The following MPDZ variants were observed in gnomAD, a reference collection of about 807,000 sequenced individuals.
MPDZ encodes multiple PDZ domain crumbs cell polarity complex component.
A neutral mutation model predicts 239.1 loss-of-function variants in MPDZ; 234 were observed. That is an observed-to-expected ratio of 0.98 (90% CI 0.88 to 1.09). The LOEUF is 1.09. MPDZ is among the 50% of genes least tolerant of loss of function. MPDZ has a pLI of 0.00. For synonymous variants in MPDZ, 1,048 were observed against 881.3 expected (o/e 1.19, Z -3.35); for missense variants, 3,175 against 2,510.0 (o/e 1.26, Z -5.66).
intron 22 of MPDZ, among the ~76,000 whole-genome samples, chr9:13,168,045 T>C (rs550639491): frequency 1.3e-5 from 2 of 152,212 alleles, no homozygotes; most frequent in African/African-American, 2.4e-5. Context: ...TCCAAACATC[T>C]TTCCAAGATC....
At chr9:13,212,996 A>C (rs976222848) in intron 10 of MPDZ, among the ~76,000 whole-genome samples, 2 of 152,018 alleles carry the variant, frequency 1.3e-5, no homozygotes, top group Non-Finnish European at 2.9e-5. Flanking sequence ...CAATCTATGA[A>C]CACAGTCACA....
intron 1 of MPDZ, among the ~76,000 whole-genome samples, chr9:13,268,872 A>T (rs931921503): frequency 6.6e-6 from 1 of 152,204 alleles, no homozygotes; most frequent in Non-Finnish European, 1.5e-5. Flanking sequence ...CCATGCAGGG[A>T]CATTGGGGAG....
chr9:13,213,098 T>C (rs1035133280), intron 10 of MPDZ, among the ~76,000 whole-genome samples: 9 of 152,112 alleles, frequency 5.9e-5, no homozygotes, highest in Admixed American at 2.6e-4. Flanking sequence ...TTTTAGCATA[T>C]TGAATATCAA....
chr9:13,219,805 A>G (rs766178790), intron 7 of MPDZ, 37 bp from the exon 8 acceptor site: 1 of 1,572,716 alleles, frequency 6.4e-7, no homozygotes, highest in Admixed American at 1.7e-5. Context: ...GACTATTATT[A>G]TTTTAACTGC....
At chr9:13,113,138 A>G (rs1942779436) in intron 41 of MPDZ, 84 bp from the exon 42 acceptor site, 2 of 1,240,536 alleles carry the variant, frequency 1.6e-6, no homozygotes, top group Non-Finnish European at 2.2e-6. Flanking sequence ...GCTGGATGGG[A>G]CTAAATGATA....
At chr9:13,260,407 C>G (rs991823381) in intron 1 of MPDZ, among the ~76,000 whole-genome samples, 1 of 152,090 alleles carries the variant, frequency 6.6e-6, no homozygotes, top group Non-Finnish European at 1.5e-5. Flanking sequence ...CCTTTCCGGG[C>G]TTTGGTTACT....
In MPDZ at chr9:13,176,257, G is replaced by A. The variant is rs1224964579; in HGVS notation, c.2810C>T (p.Ala937Val). ...SGFTINDYTPANAIEQQYECE... is the reference protein window; with the variant it reads ...SGFTINDYTPVNAIEQQYECE... Reference sequence around the variant, plus strand: ...TTCATATTGTTGTTCAATAGCATTTGCAGGTGTGTAGTCATTTATAGTAAA... The same window carrying A: ...TTCATATTGTTGTTCAATAGCATTTACAGGTGTGTAGTCATTTATAGTAAA... The change falls in exon 20 of 47, where the codon GCA (alanine) becomes GTA (valine). Residue 937 changes from alanine to valine, a missense_variant. Coordinates refer to ENST00000319217, the MANE Select transcript of MPDZ (RefSeq NM_001378778.1). 5.6e-6 allele frequency: 9 copies of A among 1,608,848 alleles called. No individual in the cohort carries two copies. The East Asian group carries it at 1.8e-4, about 32-fold the overall frequency.
chr9:13,226,391 A>G (rs1253192949), intron 3 of MPDZ, among the ~76,000 whole-genome samples: 1 of 152,120 alleles, frequency 6.6e-6, no homozygotes, highest in Non-Finnish European at 1.5e-5. Flanking sequence ...ACTACTTATC[A>G]GAAAGCTTAC....
chr9:13,238,269 G>A (rs1194234202), intron 3 of MPDZ, among the ~76,000 whole-genome samples: 1 of 152,164 alleles, frequency 6.6e-6, no homozygotes, highest in Non-Finnish European at 1.5e-5. Flanking sequence ...TGCCAGCCAT[G>A]TGTACAGTAA....
Position 13,116,407 on chromosome 9 carries a change from G to A in MPDZ, c.5380-1073C>T, listed in dbSNP as rs904557219. On this transcript the variant is annotated intron_variant, in intron 39 of 46. Transcript: ENST00000319217. ...CAATGCTTATGACAGTGTCTAGAAT[G>A]GAGTAAGATTAATATAAATATTGGG... 7.2e-5 allele frequency among the ~76,000 whole-genome samples: 11 copies of A among 152,120 alleles called. 1 individual carries two copies. The highest frequency in any genetic ancestry group is 2.0e-4 in the Admixed American group (3 of 15,270).
intron 2 of MPDZ, among the ~76,000 whole-genome samples, chr9:13,249,730 G>C (rs543181880): frequency 2.6e-5 from 4 of 152,100 alleles, no homozygotes; most frequent in African/African-American, 4.8e-5. Flanking sequence ...CCTGTAAAAT[G>C]GTTCTACAAA....
At chr9:13,203,246 G>C (rs1956599311) in intron 12 of MPDZ, among the ~76,000 whole-genome samples, 1 of 152,150 alleles carries the variant, frequency 6.6e-6, no homozygotes, top group South Asian at 2.1e-4. Context: ...GGGAAGCTTT[G>C]AACTGATTCT....
intron 1 of MPDZ, 143 bp downstream of exon 1, chr9:13,279,257 A>ACCCCCC (rs1320971173): frequency 2.5e-4 from 6 of 23,952 alleles, no homozygotes; most frequent in South Asian, 1.9e-3. Flanking sequence ...CCCTACCCCC[A>ACCCCCC]CCCCCACCCC....
At chr9:13,234,770 T>G (rs1963496492) in intron 3 of MPDZ, among the ~76,000 whole-genome samples, 2 of 152,152 alleles carry the variant, frequency 1.3e-5, no homozygotes, top group Non-Finnish European at 2.9e-5. Context: ...AAATAAGCCA[T>G]TCTTCAGGGA....
chr9:13,236,252 T>TAC, intron 3 of MPDZ, among the ~76,000 whole-genome samples: 1 of 6,046 alleles, frequency 1.7e-4, no homozygotes, highest in Non-Finnish European at 6.2e-4. Context: ...TGTGTGTGTA[T>TAC]ATATATATAT....
At chr9:13,203,728 C>CCACACACACACA (rs58472339) in intron 12 of MPDZ, among the ~76,000 whole-genome samples, 35 of 140,560 alleles carry the variant, frequency 2.5e-4, no homozygotes, top group African/African-American at 7.7e-4. Flanking sequence ...ATGTATCCTG[C>CCACACACACACA]CACACACACA....
At chr9:13,136,488 C>A (rs182399468) in intron 30 of MPDZ, among the ~76,000 whole-genome samples, 3 of 151,642 alleles carry the variant, frequency 2.0e-5, no homozygotes, top group African/African-American at 7.3e-5. Context: ...CGTGCCACCA[C>A]GCCCGGCTAA....
At position 13,125,365 on chromosome 9, in the gene MPDZ, T is replaced by C. The variant is rs1437398567; in HGVS notation, c.4658A>G (p.Lys1553Arg). The C allele has an allele frequency of 6.2e-7, 1 of 1,613,756 alleles. No homozygotes were observed. Among genetic ancestry groups the C allele is most frequent in the Non-Finnish European group, 8.5e-7 (1 of 1,179,702 alleles). Residue 1553 changes from lysine to arginine, a missense_variant, in exon 35 of 47, where the codon AAG becomes AGG. By Grantham distance (26) the Lys-to-Arg change is conservative (BLOSUM62 2). Transcript: ENST00000319217. ...ATGGATGGTAAGTTTTACTGTCATC[T>C]TTGCTGTCTTCAGAAGGCTAATAAA... ...EKFISLLKTA[K>R]MTVKLTIHAE...
chr9:13,246,807 T>C (rs1340989588), intron 3 of MPDZ, among the ~76,000 whole-genome samples: 2 of 152,198 alleles, frequency 1.3e-5, no homozygotes, highest in African/African-American at 4.8e-5. Context: ...AAGTCATCTA[T>C]AACCATTAAA....
Sources: gnomAD v4.1 joint callset for allele counts (sites outside exome capture counted in the v4.1 genomes callset) on GRCh38, gnomAD v4.1.1 for gene constraint, MANE v1.5 for transcripts, NCBI Gene and HGNC (gene_info 2026-07-23, HGNC 2026-07-21) for gene names.